HGS: variants seen among roughly 807,000 people sequenced by gnomAD.
HGS encodes the protein hepatocyte growth factor-regulated tyrosine kinase substrate, also known as human growth factor-regulated tyrosine kinase substrate.
HGS carries 63 observed loss-of-function variants against 109.7 expected under a neutral mutation model. The ratio of observed to expected loss-of-function variants is 0.57; its 90% CI spans 0.47 to 0.71. The LOEUF (loss-of-function observed/expected upper bound fraction) is 0.71. HGS is among the 30% of genes least tolerant of loss of function. HGS has a pLI of 0.00. For missense variants in HGS, 995 were observed against 1,068.3 expected, an observed-to-expected ratio of 0.93 and a Z score of 0.96; for synonymous variants, 546 against 437.3, an observed-to-expected ratio of 1.25 and a Z score of -3.10.
At chr17:81,700,837 C>T (rs765023447) in intron 20 of HGS, 23 bp downstream of exon 20, 3 of 1,603,362 alleles carry the variant, frequency 1.9e-6, no homozygotes, top group Admixed American at 3.4e-5. Flanking sequence ...CCAGGCCCTG[C>T]TGGGGGCCAG....
chr17:81,689,629 C>T (rs939168482), intron 5 of HGS, among the ~76,000 whole-genome samples: 1 of 152,154 alleles, frequency 6.6e-6, no homozygotes, highest in African/African-American at 2.4e-5. Flanking sequence ...GGTGGTGCGT[C>T]CCCGCTGCAG....
In HGS at chr17:81,693,676, C is replaced by T. The variant is rs764424793; in HGVS notation, c.764C>T (p.Thr255Met). ...CAGCTGCCCCCCAAGAGGGACGAGA[C>T]GGCCCTGCAGGAGGAGGAGGAGCTG... ...QSQLPPKRDE[T>M]ALQEEEELQL... is the part of the protein sequence containing the mutation. Residue 255 changes from threonine to methionine, a missense_variant, in exon 10 of 22, where the codon ACG becomes ATG. Around this residue, in one of 6 missense-constraint regions of HGS, gnomAD observed 300 missense variants for 235.4 expected, o/e 1.27. Coordinates refer to ENST00000329138, the MANE Select transcript of HGS (RefSeq NM_004712.5). The T allele has an allele frequency of 2.4e-5, 37 of 1,553,916 alleles. No homozygotes were observed. The highest frequency in any genetic ancestry group is 1.8e-4 in the Middle Eastern group (1 of 5,588).
At chr17:81,685,987 G>A (rs1354673637) in intron 2 of HGS, among the ~76,000 whole-genome samples, 1 of 152,074 alleles carries the variant, frequency 6.6e-6, no homozygotes, top group African/African-American at 2.4e-5. Flanking sequence ...CTGAAGTGCA[G>A]TGGCGTGATC....
chr17:81,701,150 C>T lies in HGS; in HGVS notation c.2223+19C>T, dbSNP rs530579018. On this transcript the variant is annotated intron_variant, in intron 21 of 21. Transcript: ENST00000329138. ...CCAGCAGGTGAGCCATTCCCGGGGC[C>T]TCACAGCGGCACCCGCAGGGCACCC... 47 of 1,604,680 alleles carry T rather than the reference C, an allele frequency of 2.9e-5. No individual in the cohort carries two copies. Among genetic ancestry groups the T allele is most frequent in the South Asian group, 2.4e-4 (22 of 90,904 alleles).
rs762797963 is a variant in HGS, at chr17:81,701,122, G to C, written c.2214G>C (p.Met738Ile). Residue 738 changes from methionine (M) to isoleucine (I), a missense_variant, in exon 21 of 22, where the codon ATG (methionine) becomes ATC (isoleucine). Around this residue, in one of 6 missense-constraint regions of HGS, gnomAD observed 326 missense variants for 309.7 expected, o/e 1.05. Transcript: ENST00000329138. The stretch of plus-strand genomic sequence containing the variant: ...CCTACATCGCGGGGCAGCAGCCCAT[G>C]TACCAGCAGGTGAGCCATTCCCGGG... Reference protein sequence around the residue: ...QQPYIAGQQPMYQQMAPSGGP... With the variant: ...QQPYIAGQQPIYQQMAPSGGP... The C allele has an allele frequency of 1.2e-6, 2 of 1,613,610 alleles. No homozygotes were observed. The highest frequency in any genetic ancestry group is 1.1e-5 in the South Asian group (1 of 91,080).
intron 2 of HGS, among the ~76,000 whole-genome samples, chr17:81,685,901 T>C (rs1303301143): frequency 1.3e-5 from 2 of 152,222 alleles, no homozygotes; most frequent in Non-Finnish European, 2.9e-5. Context: ...TGTTTGTATT[T>C]GCTTCGGGGT....
intron 8 of HGS, chr17:81,692,002 C>A: frequency 5.3e-6 from 1 of 189,278 alleles, no homozygotes; most frequent in Non-Finnish European, 1.1e-5. Context: ...TGCCTCCCCT[C>A]TCCTGCGCGT....
intron 1 of HGS, among the ~76,000 whole-genome samples, chr17:81,684,621 G>C (rs969616623): frequency 2.6e-5 from 4 of 152,198 alleles, no homozygotes; most frequent in Admixed American, 6.5e-5. Flanking sequence ...TAATGGTTTA[G>C]GAAGGCGTTT....
Position 81,691,231 on chromosome 17 carries a change from C to T in HGS, c.538-216C>T. 5.2e-6 allele frequency: 3 copies of T among 574,066 alleles called. No homozygotes were observed. Among genetic ancestry groups the T allele is most frequent in the East Asian group, 2.9e-5 (1 of 33,980 alleles). 35.6% of individuals were successfully genotyped at this position (574,066 alleles called of 1,614,324 possible). A position where few individuals can be genotyped will look rare whatever the true frequency, so the allele number is the denominator to read the frequency against. ...TTTCCTTGCCCTTACTTTTAACTTA[C>T]CTTATTTTCCCCAAAACGGTGGCTG... is the stretch of plus-strand genomic sequence containing the variant. On this transcript the variant is annotated intron_variant, in intron 7 of 21. Coordinates refer to ENST00000329138, the MANE Select transcript of HGS (RefSeq NM_004712.5). This position sits in a 1 kb window ranked among gnomAD's most constrained non-coding sequence, Gnocchi z 5.3.
intron 11 of HGS, among the ~76,000 whole-genome samples, chr17:81,694,553 C>T (rs1178124422): frequency 6.6e-6 from 1 of 152,236 alleles, no homozygotes; most frequent in Admixed American, 6.5e-5. Flanking sequence ...GGCCCCAGGG[C>T]TGGCCCAGTG....
rs550904327 is a variant in HGS at position 81,702,108 on chromosome 17, T to G, written c.*490T>G. ...AGAATGGTACAGCGATAATAAAATG[T>G]ATTTCAGAAAGCATCAGCGTTTTTT... On this transcript the variant is annotated 3_prime_UTR_variant, in exon 22 of 22. Coordinates refer to ENST00000329138, the MANE Select transcript of HGS (RefSeq NM_004712.5). 6.5e-6 allele frequency: 1 copy of G among 153,876 alleles called. No homozygotes were observed. Among genetic ancestry groups the G allele is most frequent in the East Asian group, 1.9e-4 (1 of 5,226 alleles). 9.5% of individuals were successfully genotyped at this position (153,876 alleles called of 1,614,324 possible). A position where few individuals can be genotyped will look rare whatever the true frequency, so the allele number is the denominator to read the frequency against.
intron 18 of HGS, 34 bp from the exon 19 acceptor site, chr17:81,700,433 G>T: frequency 6.6e-7 from 1 of 1,513,836 alleles, no homozygotes; most frequent in Non-Finnish European, 8.8e-7. Context: ...CTGTTGCCCT[G>T]GCTGAACCAT....
At chr17:81,699,169 C>T (rs935265727) in intron 18 of HGS, among the ~76,000 whole-genome samples, 2 of 152,168 alleles carry the variant, frequency 1.3e-5, no homozygotes, top group Non-Finnish European at 2.9e-5. Context: ...ATTGCTCAGC[C>T]CTAGAATACA....
At chr17:81,692,080 A>C (rs1288630314) in intron 8 of HGS, 8 of 161,264 alleles carry the variant, frequency 5.0e-5, no homozygotes, top group African/African-American at 1.9e-4. Flanking sequence ...TGGCACTCAG[A>C]TCTTCGCCTG....
At chr17:81,684,978 C>G (rs903718797) in intron 1 of HGS, 1 of 985,276 alleles carries the variant, frequency 1.0e-6, no homozygotes, top group Non-Finnish European at 1.2e-6. Flanking sequence ...TAGATCGTTT[C>G]TGTATCCGGG....
At chr17:81,696,202 C>CCTGCT in intron 15 of HGS, 155 bp from the exon 16 acceptor site, 1 of 1,064,754 alleles carries the variant, frequency 9.4e-7, no homozygotes, top group Non-Finnish European at 1.3e-6. Context: ...CCTGCCCTGC[C>CCTGCT]CAGGACCCTC....
chr17:81,695,142 C>T (rs1434917103), intron 13 of HGS, 22 bp from the exon 14 acceptor site: 27 of 1,613,808 alleles, frequency 1.7e-5, no homozygotes, highest in Admixed American at 5.0e-5. Context: ...GTTGGAGGCC[C>T]CACTCATTCT....
Position 81,693,703 on chromosome 17 carries a change from A to G in HGS, c.791A>G (p.Gln264Arg), listed in dbSNP as rs1362704806. The change falls in exon 10 of 22, where the codon CAG becomes CGG. Residue 264 changes from glutamine to arginine, a missense_variant. Physicochemically the swap from Gln to Arg is conservative, Grantham distance 43. This residue lies in a region of HGS where 300 missense variants were observed against 235.4 expected (regional missense o/e 1.27). Coordinates refer to ENST00000329138, the MANE Select transcript of HGS (RefSeq NM_004712.5). The part of the protein sequence containing the change: ...ETALQEEEEL[Q>R]LALALSQSEA... ...GCCCTGCAGGAGGAGGAGGAGCTGCAGCTGGCCCTGGCGCTGTCACAGTCA... is the reference window on the plus strand; with the variant it reads ...GCCCTGCAGGAGGAGGAGGAGCTGCGGCTGGCCCTGGCGCTGTCACAGTCA... 2 of 1,559,056 alleles carry G rather than the reference A, an allele frequency of 1.3e-6. No homozygotes were observed. Among genetic ancestry groups the G allele is most frequent in the Non-Finnish European group, 1.7e-6 (2 of 1,151,410 alleles).
intron 1 of HGS, chr17:81,684,973 C>T (rs1004325411): frequency 3.0e-6 from 3 of 985,356 alleles, no homozygotes; most frequent in African/African-American, 3.5e-5. Flanking sequence ...CTTGTTAGAT[C>T]GTTTCTGTAT....
Sources: gnomAD v4.1 joint callset for allele counts (sites outside exome capture counted in the v4.1 genomes callset) on GRCh38, gnomAD v4.1.1 for gene constraint, gnomAD v4.1.1 regional missense constraint, Gnocchi (gnomAD v3.1) non-coding constraint, MANE v1.5 for transcripts, NCBI Gene and HGNC (gene_info 2026-07-23, HGNC 2026-07-21) for gene names.